NFATC2: variants seen among roughly 807,000 people sequenced by gnomAD.
NFATC2 encodes nuclear factor of activated T cells 2.
A neutral mutation model predicts 87.3 loss-of-function variants in NFATC2; 22 were observed. The ratio of observed to expected loss-of-function variants is 0.25; its 90% CI spans 0.18 to 0.36. NFATC2 has a LOEUF of 0.36. Among genes scored for constraint, NFATC2 ranks in the 10% least tolerant of loss-of-function variants. The probability of loss-of-function intolerance (pLI) is 1.00; values close to 1 mark genes in which losing one functional copy is unlikely to be tolerated. For missense variants in NFATC2, 1,149 were observed against 1,259.1 expected (o/e 0.91, Z 1.32); for synonymous variants, 565 against 542.2 (o/e 1.04, Z -0.58).
chr20:51,439,213 T>A (rs1273061606), intron 6 of NFATC2, among the ~76,000 whole-genome samples: 1 of 152,202 alleles, frequency 6.6e-6, no homozygotes, highest in Non-Finnish European at 1.5e-5. Context: ...CTGAGTCTTA[T>A]GAGCGCTCAC....
chr20:51,509,004 C>T (rs1005104659), intron 3 of NFATC2, among the ~76,000 whole-genome samples: 10 of 152,076 alleles, frequency 6.6e-5, no homozygotes, highest in Non-Finnish European at 1.0e-4. Context: ...TAAACATGTG[C>T]GAGGCCCACG....
chr20:51,517,398 G>C (rs2146694485), intron 2 of NFATC2, among the ~76,000 whole-genome samples: 1 of 152,090 alleles, frequency 6.6e-6, no homozygotes, highest in South Asian at 2.1e-4. Flanking sequence ...AGGACAGCCT[G>C]GGCAACACGG....
At chr20:51,399,001 A>C in intron 9 of NFATC2, 1 of 360,510 alleles carries the variant, frequency 2.8e-6, no homozygotes, top group South Asian at 5.5e-5. Flanking sequence ...GGGTGGACAA[A>C]AGGGCTGCTG....
rs1472606947 is a variant in NFATC2 at position 51,388,675 on chromosome 20, C to T, written c.*2821G>A. 1 of 152,124 alleles carries T rather than the reference C, an allele frequency of 6.6e-6. No individual in the cohort carries two copies. Among genetic ancestry groups the T allele is most frequent in the African/African-American group, 2.4e-5 (1 of 41,430 alleles). 9.4% of individuals were successfully genotyped at this position (152,124 alleles called of 1,614,324 possible). A position where few individuals can be genotyped will look rare whatever the true frequency, so the allele number is the denominator to read the frequency against. ...TAACATACTAATCTGGATTGCTATA[C>T]ATATTATCAAGCAGCAGCATCTTTG... On this transcript the variant is annotated 3_prime_UTR_variant, in exon 11 of 11. Transcript: ENST00000371564.
In NFATC2 at chr20:51,523,902, G is replaced by T; in HGVS notation, c.339C>A (p.Ile113=). The change falls in exon 2 of 11, where the codon ATC becomes ATA. Residue 113 remains isoleucine (I), a synonymous_variant. Coordinates refer to ENST00000371564, the MANE Select transcript of NFATC2 (RefSeq NM_012340.5). This position sits in a 1 kb window ranked among gnomAD's most constrained non-coding sequence, Gnocchi z 6.9. ...PAGASGLSPR[I]EITPSHELIQ... ...TCAGTTCGTGGGACGGAGTGATCTC[G>T]ATCCGAGGGCTCAGGCCCGAGGCCC... The T allele has an allele frequency of 6.2e-7, 1 of 1,606,734 alleles. No homozygotes were observed. The highest frequency in any genetic ancestry group is 1.3e-5 in the African/African-American group (1 of 74,530).
intron 3 of NFATC2, among the ~76,000 whole-genome samples, chr20:51,496,463 G>A (rs530989995): frequency 6.7e-6 from 1 of 149,754 alleles, no homozygotes; most frequent in Non-Finnish European, 1.5e-5. Flanking sequence ...CACCTCCTCA[G>A]GAAGCTGCCC....
At chr20:51,528,585 G>C (rs1197734607) in intron 1 of NFATC2, among the ~76,000 whole-genome samples, 2 of 152,216 alleles carry the variant, frequency 1.3e-5, no homozygotes, top group Non-Finnish European at 2.9e-5. Flanking sequence ...ACAAGTAATA[G>C]TGACATCCTC....
At position 51,422,201 on chromosome 20, in the gene NFATC2, C is replaced by A. The variant is rs186850282; in HGVS notation, c.2722+9866G>T. On this transcript the variant is annotated intron_variant, in intron 9 of 10. Coordinates refer to ENST00000371564, the MANE Select transcript of NFATC2 (RefSeq NM_012340.5). ...CGCAACAGACAGTCCTGCCATAAAA[C>A]CAAGTTGGGGTGCTCAAGGCTCATC... Among the ~76,000 whole-genome samples the A allele has an allele frequency of 8.6e-4, 131 of 152,286 alleles. 1 individual carries two copies. The highest frequency in any genetic ancestry group is 5.1e-4 in the Non-Finnish European group (35 of 68,042).
intron 1 of NFATC2, among the ~76,000 whole-genome samples, chr20:51,532,325 C>G (rs1359724356): frequency 6.6e-6 from 1 of 152,028 alleles, no homozygotes; most frequent in Non-Finnish European, 1.5e-5. Flanking sequence ...TCCTCCACCC[C>G]CCTAACCACT....
At chr20:51,469,118 G>T (rs901955846) in intron 5 of NFATC2, among the ~76,000 whole-genome samples, 1 of 152,016 alleles carries the variant, frequency 6.6e-6, no homozygotes, top group Non-Finnish European at 1.5e-5. Context: ...AACCTCCTGG[G>T]TCCAAGCAAT....
intron 1 of NFATC2, among the ~76,000 whole-genome samples, chr20:51,556,182 G>T (rs2076976560): frequency 6.6e-6 from 1 of 152,160 alleles, no homozygotes; most frequent in African/African-American, 2.4e-5. Flanking sequence ...ACAAAGAAGG[G>T]TTTCCTCCTA....
intron 1 of NFATC2, among the ~76,000 whole-genome samples, chr20:51,537,094 T>C (rs1250533997): frequency 1.3e-5 from 2 of 152,060 alleles, no homozygotes; most frequent in Non-Finnish European, 2.9e-5. Context: ...GGGGTTTTAA[T>C]TGTGCCCTGT....
At chr20:51,443,751 G>A (rs1045304513) in intron 6 of NFATC2, among the ~76,000 whole-genome samples, 4 of 152,188 alleles carry the variant, frequency 2.6e-5, no homozygotes, top group South Asian at 2.1e-4. Flanking sequence ...AAAGGACTTC[G>A]GTCTCTTGAG....
Position 51,464,647 on chromosome 20 carries a change from G to A in NFATC2, c.1708+9333C>T, listed in dbSNP as rs552476960. 1.1e-3 allele frequency among the ~76,000 whole-genome samples: 161 copies of A among 140,140 alleles called. 1 individual carries two copies. The highest frequency in any genetic ancestry group is 4.0e-3 in the African/African-American group (158 of 39,140). 91.9% of individuals were successfully genotyped at this position (140,140 alleles called of 152,430 possible). ...TTTACCACTACAGGATCTTGAAGGA[G>A]ACAATCTAGTGCCGGGGGGTGGGGG... On this transcript the variant is annotated intron_variant, in intron 5 of 10. Coordinates refer to ENST00000371564, the MANE Select transcript of NFATC2 (RefSeq NM_012340.5).
chr20:51,388,512 A>AG lies in NFATC2; in HGVS notation c.*2983_*2984insC, dbSNP rs1212713508. On this transcript the variant is annotated 3_prime_UTR_variant, in exon 11 of 11. Coordinates refer to ENST00000371564, the MANE Select transcript of NFATC2 (RefSeq NM_012340.5). ...AATACATCATTTCTCTTAAGAAAAAAAAATCAACCTATGTGTAAAAAGAGA... is the reference window on the plus strand; with the variant it reads ...AATACATCATTTCTCTTAAGAAAAAAGAAATCAACCTATGTGTAAAAAGAGA... 5 of 151,844 alleles carry AG rather than the reference A, an allele frequency of 3.3e-5. No homozygotes were observed. The highest frequency in any genetic ancestry group is 7.4e-5 in the Non-Finnish European group (5 of 67,986). The allele number at this position is 151,844 out of a possible 1,614,324, so 9.4% of individuals were successfully genotyped here. A position where few individuals can be genotyped will look rare whatever the true frequency, so the allele number is the denominator to read the frequency against.
intron 1 of NFATC2, among the ~76,000 whole-genome samples, chr20:51,539,534 A>C (rs550024378): frequency 9.0e-4 from 137 of 152,266 alleles, no homozygotes; most frequent in African/African-American, 3.2e-3. Flanking sequence ...CATGGGCTGG[A>C]GTGCAGTGGC....
At chr20:51,544,442 G>A (rs576811470), upstream of NFATC2, among the ~76,000 whole-genome samples, 11 of 152,206 alleles carry the variant, frequency 7.2e-5, no homozygotes, top group Admixed American at 3.3e-4. Context: ...TTGAGGACAC[G>A]CATTCTTCAG....
At chr20:51,474,397 AC>A (rs1169946789) in intron 4 of NFATC2, among the ~76,000 whole-genome samples, 3 of 152,180 alleles carry the variant, frequency 2.0e-5, no homozygotes, top group African/African-American at 7.2e-5. Flanking sequence ...ACTCTCAAAA[AC>A]ATCTGAAAAA....
upstream of NFATC2, among the ~76,000 whole-genome samples, chr20:51,546,415 G>T (rs1241806444): frequency 1.3e-5 from 2 of 152,172 alleles, no homozygotes; most frequent in Non-Finnish European, 1.5e-5. Context: ...GTGCTCTTAG[G>T]AACAAGGTCC....
Sources: allele counts gnomAD v4.1 joint callset (sites outside exome capture counted in the v4.1 genomes callset), GRCh38; gene constraint gnomAD v4.1.1; non-coding constraint Gnocchi (gnomAD v3.1); transcripts MANE v1.5; gene names NCBI Gene and HGNC (gene_info 2026-07-23, HGNC 2026-07-21).